Variants in IPCEF1 observed in about 807,000 individuals in gnomAD.
The protein encoded by IPCEF1 is interaction protein for cytohesin exchange factors 1.
A neutral mutation model predicts 50.9 loss-of-function variants in IPCEF1; 31 were observed. That is an observed-to-expected ratio of 0.61 (90% CI 0.46 to 0.82). The LOEUF (loss-of-function observed/expected upper bound fraction) is 0.82. Among genes scored for constraint, IPCEF1 ranks in the 40% least tolerant of loss-of-function variants. IPCEF1 has a pLI of 0.00. For missense variants in IPCEF1, 458 were observed against 514.0 expected, an observed-to-expected ratio of 0.89 and a Z score of 1.05; for synonymous variants, 181 against 192.0, an observed-to-expected ratio of 0.94 and a Z score of 0.47.
chr6:154,217,331 G>A (rs374542359), intron 7 of IPCEF1: 3 of 152,264 alleles, frequency 2.0e-5, no homozygotes, highest in Non-Finnish European at 4.4e-5. Context: ...CAGAGCTCAT[G>A]GTCAGATGAA....
At chr6:154,285,558 GA>G (rs1412580190) in intron 2 of IPCEF1, among the ~76,000 whole-genome samples, 1 of 151,988 alleles carries the variant, frequency 6.6e-6, no homozygotes, top group African/African-American at 2.4e-5. Context: ...TCAATAATCT[GA>G]AAAACAGATT....
At chr6:154,349,183 C>CTTATTATTATTA (rs149749046) in intron 1 of IPCEF1, among the ~76,000 whole-genome samples, 30 of 147,596 alleles carry the variant, frequency 2.0e-4, no homozygotes, top group Admixed American at 1.3e-3. Context: ...ATTATTTTAT[C>CTTATTATTATTA]TTATTATTAT....
At chr6:154,331,812 C>T (rs138989430) in intron 1 of IPCEF1, among the ~76,000 whole-genome samples, 57 of 152,214 alleles carry the variant, frequency 3.7e-4, no homozygotes, top group Non-Finnish European at 6.9e-4. Flanking sequence ...TGCTGAAAGG[C>T]CACTGTGGGT....
chr6:154,199,564 C>T, intron 10 of IPCEF1, 104 bp downstream of exon 10: 3 of 1,303,206 alleles, frequency 2.3e-6, no homozygotes, highest in South Asian at 1.5e-5. Flanking sequence ...ATTATTGAAT[C>T]ATCATTCATG....
chr6:154,292,980 A>G (rs978904781), intron 1 of IPCEF1, among the ~76,000 whole-genome samples: 2 of 152,212 alleles, frequency 1.3e-5, no homozygotes, highest in Admixed American at 6.5e-5. Context: ...AAGCAATGAA[A>G]ACAGTATTTC....
At chr6:154,241,023 G>A (rs1396009515) in intron 5 of IPCEF1, among the ~76,000 whole-genome samples, 1 of 152,024 alleles carries the variant, frequency 6.6e-6, no homozygotes, top group African/African-American at 2.4e-5. Context: ...AAATCATGAG[G>A]TCAAGAGATC....
intron 1 of IPCEF1, among the ~76,000 whole-genome samples, chr6:154,355,825 T>C (rs1452503761): frequency 6.6e-6 from 1 of 151,546 alleles, no homozygotes; most frequent in African/African-American, 2.4e-5. Context: ...TTTTTTTTTT[T>C]CTTCCTGTAG....
At chr6:154,228,286 G>A (rs1390533398) in intron 5 of IPCEF1, among the ~76,000 whole-genome samples, 4 of 145,990 alleles carry the variant, frequency 2.7e-5, no homozygotes, top group Non-Finnish European at 3.0e-5. Context: ...GACAACATAG[G>A]CAGACCTTGT....
chr6:154,174,712 C>A (rs959770815), intron 10 of IPCEF1, among the ~76,000 whole-genome samples: 2 of 152,104 alleles, frequency 1.3e-5, no homozygotes, highest in East Asian at 1.9e-4. Context: ...GACTCTCACA[C>A]AATAATAATG....
chr6:154,288,676 CAAAAAAA>C (rs558703057), intron 2 of IPCEF1, among the ~76,000 whole-genome samples: 1 of 46,894 alleles, frequency 2.1e-5, no homozygotes, highest in African/African-American at 6.3e-5. Context: ...ACAAAAAAAA[CAAAAAAA>C]AAAAAAAAAA....
intron 10 of IPCEF1, among the ~76,000 whole-genome samples, chr6:154,180,415 T>TATA (rs1491475267): frequency 7.2e-4 from 21 of 29,346 alleles, no homozygotes; most frequent in African/African-American, 2.2e-3. Context: ...TATATATATA[T>TATA]TTTTTTTTTA....
chr6:154,246,113 G>A (rs73567197), intron 5 of IPCEF1, among the ~76,000 whole-genome samples: 1,986 of 152,206 alleles, frequency 0.013, 51 homozygotes, highest in African/African-American at 0.046. Flanking sequence ...AAAGAAGGTC[G>A]GGGGAAAGAA....
intron 11 of IPCEF1, among the ~76,000 whole-genome samples, chr6:154,166,400 A>G (rs1004847180): frequency 6.6e-6 from 1 of 152,200 alleles, no homozygotes; most frequent in Non-Finnish European, 1.5e-5. Flanking sequence ...CAAACTGCAC[A>G]TGCTCTCCGC....
intron 1 of IPCEF1, among the ~76,000 whole-genome samples, chr6:154,320,106 T>C (rs78692090): frequency 0.021 from 3,201 of 152,302 alleles, 58 homozygotes; most frequent in Non-Finnish European, 0.032. Flanking sequence ...GCAAAACTGT[T>C]TCCTCATTTT....
At chr6:154,244,141 G>C (rs941700445) in intron 5 of IPCEF1, among the ~76,000 whole-genome samples, 4 of 152,218 alleles carry the variant, frequency 2.6e-5, no homozygotes, top group Non-Finnish European at 5.9e-5. Context: ...GTGGCAGGAA[G>C]TAAATAAAGC....
At chr6:154,264,012 C>CG (rs974061713) in intron 3 of IPCEF1, among the ~76,000 whole-genome samples, 6 of 150,160 alleles carry the variant, frequency 4.0e-5, no homozygotes, top group African/African-American at 1.2e-4. Flanking sequence ...CTGACCCCCC[C>CG]CACCTCCCTC....
chr6:154,205,876 T>C (rs950278008), intron 9 of IPCEF1, among the ~76,000 whole-genome samples: 14 of 152,000 alleles, frequency 9.2e-5, no homozygotes, highest in African/African-American at 3.4e-4. Flanking sequence ...CTGCTTGTGT[T>C]CCTCCAACTA....
At chr6:154,337,640 T>C (rs927973044) in intron 1 of IPCEF1, among the ~76,000 whole-genome samples, 4 of 152,066 alleles carry the variant, frequency 2.6e-5, no homozygotes, top group Non-Finnish European at 5.9e-5. Context: ...TTGGCCACAG[T>C]CAAATTTCCG....
intron 2 of IPCEF1, among the ~76,000 whole-genome samples, chr6:154,281,184 C>CAAAAA (rs35597942): frequency 2.5e-4 from 15 of 59,146 alleles, no homozygotes; most frequent in African/African-American, 4.3e-4. Flanking sequence ...TACTAAAATA[C>CAAAAA]AAAAAAAAAA....
Sources: allele counts gnomAD v4.1 joint callset (sites outside exome capture counted in the v4.1 genomes callset), GRCh38; gene constraint gnomAD v4.1.1; transcripts MANE v1.5; gene names NCBI Gene and HGNC (gene_info 2026-07-23, HGNC 2026-07-21).